Variants in COG2 observed in about 807,000 individuals in gnomAD.
COG2 encodes the protein conserved oligomeric Golgi complex subunit 2.
A neutral mutation model predicts 90.6 loss-of-function variants in COG2; 52 were observed. The observed-to-expected ratio is 0.57, with a 90% CI of 0.46 to 0.72. COG2 has a LOEUF of 0.72. COG2 is among the 30% of genes least tolerant of loss of function. The pLI, the probability that COG2 is intolerant of heterozygous loss-of-function variation, is 0.00. For missense variants in COG2, 829 were observed against 891.2 expected, an observed-to-expected ratio of 0.93 and a Z score of 0.89; for synonymous variants, 337 against 320.4, an observed-to-expected ratio of 1.05 and a Z score of -0.55.
At chr1:230,648,311 C>T (rs1015078483) in intron 1 of COG2, among the ~76,000 whole-genome samples, 12 of 152,216 alleles carry the variant, frequency 7.9e-5, no homozygotes, top group Non-Finnish European at 1.3e-4. Context: ...TGCTGAGTGC[C>T]GGGCACAGCA....
rs958318009 is a variant in COG2, at chr1:230,669,481, A to G, written c.720A>G (p.Thr240=). Residue 240 remains threonine (T), a synonymous_variant, in exon 7 of 18, where the codon ACA becomes ACG. Transcript: ENST00000366669. ...GGACTTACGCCACGATTGACAAGAC[A>G]CGGGACGCGGAGGCCTTAGTTGGCC... ...CLRTYATIDK[T]RDAEALVGQV... The G allele has an allele frequency of 1.2e-6, 2 of 1,613,968 alleles. No individual in the cohort carries two copies. The highest frequency in any genetic ancestry group is 1.7e-6 in the Non-Finnish European group (2 of 1,179,970).
chr1:230,668,772 C>A lies in COG2; in HGVS notation c.582C>A (p.Asp194Glu), dbSNP rs201239718. Residue 194 changes from aspartate (D) to glutamate (E), a missense_variant, in exon 6 of 18, where the codon GAC becomes GAA. Transcript: ENST00000366669. Reference sequence around the variant, plus strand: ...AAAGCAAAGGCATGCCTCTTTTGGACAAAGTAAGACCGGTAAGTGTTGTTT... The same window carrying A: ...AAAGCAAAGGCATGCCTCTTTTGGAAAAAGTAAGACCGGTAAGTGTTGTTT... Reference protein sequence around the residue: ...AVQSKGMPLLDKVRPRIAGIT... With the variant: ...AVQSKGMPLLEKVRPRIAGIT... 3 of 1,598,176 alleles carry A rather than the reference C, an allele frequency of 1.9e-6. No homozygotes were observed. Among genetic ancestry groups the A allele is most frequent in the Middle Eastern group, 3.3e-4 (2 of 6,020 alleles).
At chr1:230,657,162 T>A (rs1662078531) in intron 1 of COG2, among the ~76,000 whole-genome samples, 1 of 151,412 alleles carries the variant, frequency 6.6e-6, no homozygotes, top group African/African-American at 2.4e-5. Context: ...CTTCATAGTG[T>A]CAATGGTCTT....
At chr1:230,666,066 T>A (rs1662313715) in intron 5 of COG2, among the ~76,000 whole-genome samples, 1 of 152,170 alleles carries the variant, frequency 6.6e-6, no homozygotes, top group African/African-American at 2.4e-5. Context: ...TCTCTTTATC[T>A]GCAGACGAAC....
chr1:230,686,179 T>C (rs1456894058), intron 12 of COG2, among the ~76,000 whole-genome samples: 1 of 152,210 alleles, frequency 6.6e-6, no homozygotes, highest in African/African-American at 2.4e-5. Flanking sequence ...GAGGATTTAT[T>C]TGGACTAAAG....
At chr1:230,654,024 G>C (rs946728313) in intron 1 of COG2, among the ~76,000 whole-genome samples, 1 of 152,230 alleles carries the variant, frequency 6.6e-6, no homozygotes, top group Non-Finnish European at 1.5e-5. Context: ...TTAGCCCTTT[G>C]TCAGGTGGAC....
At chr1:230,678,569 C>T (rs1001969119) in intron 9 of COG2, 11 of 1,195,396 alleles carry the variant, frequency 9.2e-6, no homozygotes, top group East Asian at 5.8e-5. Flanking sequence ...GAGGCAATGA[C>T]GAACTATGTC....
intron 15 of COG2, 69 bp from the exon 16 acceptor site, chr1:230,689,945 C>A: frequency 4.9e-6 from 7 of 1,442,192 alleles, no homozygotes; most frequent in Non-Finnish European, 5.6e-6. Flanking sequence ...GACTTGAGTT[C>A]TGGGTAACTT....
chr1:230,673,473 A>C (rs1411718193), intron 8 of COG2, among the ~76,000 whole-genome samples: 1 of 152,218 alleles, frequency 6.6e-6, no homozygotes. Context: ...TCTCCTCCAG[A>C]GAATACAGAT....
At chr1:230,674,886 A>T in intron 8 of COG2, 112 bp from the exon 9 acceptor site, 1 of 801,478 alleles carries the variant, frequency 1.2e-6, no homozygotes, top group Non-Finnish European at 1.9e-6. Flanking sequence ...TTTTTTAAAA[A>T]GTTGAAATAA....
chr1:230,648,016 G>A (rs558042583), intron 1 of COG2, among the ~76,000 whole-genome samples: 3 of 152,288 alleles, frequency 2.0e-5, no homozygotes, highest in Admixed American at 2.0e-4. Context: ...GCAACCCAGG[G>A]CCATTATCTC....
intron 1 of COG2, among the ~76,000 whole-genome samples, chr1:230,655,993 T>C (rs1662037433): frequency 6.6e-6 from 1 of 152,204 alleles, no homozygotes; most frequent in African/African-American, 2.4e-5. Flanking sequence ...TTGCTTTTCT[T>C]CTTTATTAGT....
Position 230,659,480 on chromosome 1 carries a change from A to G in COG2, c.89A>G (p.Asp30Gly), listed in dbSNP as rs924956324. The stretch of plus-strand genomic sequence containing the variant: ...ATTTTTCAGGAAGATTTCGATGTCG[A>G]TCATTTTGTGTCTGACTGTAGGAAG... Reference protein sequence around the residue: ...DEFMKEDFDVDHFVSDCRKRV... With the variant: ...DEFMKEDFDVGHFVSDCRKRV... The change falls in exon 2 of 18, where the codon GAT becomes GGT. Residue 30 changes from aspartate (D) to glycine (G), a missense_variant. Coordinates refer to ENST00000366669, the MANE Select transcript of COG2 (RefSeq NM_007357.3). The G allele has an allele frequency of 6.8e-6, 11 of 1,613,648 alleles. No individual in the cohort carries two copies. The highest frequency in any genetic ancestry group is 1.3e-5 in the African/African-American group (1 of 74,996).
chr1:230,658,152 G>A (rs148158744), intron 1 of COG2, among the ~76,000 whole-genome samples: 1 of 152,152 alleles, frequency 6.6e-6, no homozygotes, highest in East Asian at 1.9e-4. Context: ...GAGGCCTTCT[G>A]GTTTTTGGAA....
chr1:230,659,321 A>G, intron 1 of COG2, 143 bp from the exon 2 acceptor site: 2 of 699,956 alleles, frequency 2.9e-6, no homozygotes, highest in Non-Finnish European at 4.9e-6. Flanking sequence ...ACTGTCATGT[A>G]TAAGCCAAGA....
chr1:230,677,954 C>T (rs1662640362), intron 9 of COG2: 2 of 944,598 alleles, frequency 2.1e-6, no homozygotes, highest in African/African-American at 1.8e-5. Flanking sequence ...ACTCCACACA[C>T]CTAGACCACC....
At chr1:230,691,990 T>C (rs1663041875) in intron 17 of COG2, among the ~76,000 whole-genome samples, 1 of 152,140 alleles carries the variant, frequency 6.6e-6, no homozygotes, top group African/African-American at 2.4e-5. Flanking sequence ...TCTGCTTCCC[T>C]GCTTGGCCTT....
intron 6 of COG2, 52 bp downstream of exon 6, chr1:230,668,836 AATTCTGG>A: frequency 8.8e-7 from 1 of 1,140,296 alleles, no homozygotes; most frequent in Non-Finnish European, 1.3e-6. Context: ...CTTGCTAAAT[AATTCTGG>A]TTTAAACTAG....
intron 11 of COG2, among the ~76,000 whole-genome samples, chr1:230,684,040 C>G (rs368305988): frequency 9.2e-5 from 14 of 152,160 alleles, no homozygotes; most frequent in African/African-American, 2.2e-4. Flanking sequence ...ATTCACCCCC[C>G]CTTGGCCTTC....
Sources: allele counts gnomAD v4.1 joint callset (sites outside exome capture counted in the v4.1 genomes callset), GRCh38; gene constraint gnomAD v4.1.1; transcripts MANE v1.5; gene names NCBI Gene and HGNC (gene_info 2026-07-23, HGNC 2026-07-21).